The following ZNF83 variants were observed in gnomAD, a reference collection of about 807,000 sequenced individuals.
ZNF83 encodes zinc finger protein 816B.
For missense variants in ZNF83, 552 were observed against 629.9 expected (o/e 0.88, Z 1.32); for synonymous variants, 209 against 213.0 (o/e 0.98, Z 0.17).
At chr19:52,635,069 A>T in exon 2 of ZNF83, 1 of 732,302 alleles carries the variant, frequency 1.4e-6, no homozygotes, top group Non-Finnish European at 2.5e-6. Context: ...ATCTCACCTG[A>T]GGAAGAACCA....
At chr19:52,620,971 A>T (rs2060521577) in intron 2 of ZNF83, among the ~76,000 whole-genome samples, 1 of 152,224 alleles carries the variant, frequency 6.6e-6, no homozygotes, top group Admixed American at 6.5e-5. Context: ...TGCTTATCCC[A>T]GTCCTATAAA....
chr19:52,644,340 G>T (rs2061346927), intron 3 of ZNF83, among the ~76,000 whole-genome samples: 1 of 152,058 alleles, frequency 6.6e-6, no homozygotes, highest in African/African-American at 2.4e-5. Flanking sequence ...TTCCGGTCTA[G>T]CCCCTCATCT....
At chr19:52,636,220 TAGG>T (rs2061142892) in intron 1 of ZNF83, 2 of 151,500 alleles carry the variant, frequency 1.3e-5, no homozygotes, top group African/African-American at 4.9e-5. Context: ...GAAGCTGACG[TAGG>T]AGGATTACTT....
intron 1 of ZNF83, among the ~76,000 whole-genome samples, chr19:52,675,457 C>T (rs2147326562): frequency 6.6e-6 from 1 of 152,274 alleles, no homozygotes; most frequent in East Asian, 1.9e-4. Context: ...GCGCTGCTGA[C>T]AGTGGTTCTG....
intron 1 of ZNF83, among the ~76,000 whole-genome samples, chr19:52,675,319 C>A (rs572178544): frequency 2.0e-5 from 3 of 152,276 alleles, no homozygotes; most frequent in Non-Finnish European, 4.4e-5. Context: ...AAGGATCCCA[C>A]GACATGTACT....
intron 2 of ZNF83, among the ~76,000 whole-genome samples, chr19:52,656,461 G>T (rs7256179): frequency 1.3e-5 from 2 of 151,890 alleles, no homozygotes; most frequent in African/African-American, 2.4e-5. Flanking sequence ...GGAGGCAGAG[G>T]TTGTGGTAAG....
At chr19:52,666,986 G>C (rs2904001) in intron 1 of ZNF83, among the ~76,000 whole-genome samples, 122,465 of 152,170 alleles carry the variant, frequency 0.8, 50,010 homozygotes, top group African/African-American at 0.95. Context: ...CTTTAAAGTA[G>C]TTACAGAATC....
At chr19:52,619,641 A>ATGTT (rs994871524) in intron 2 of ZNF83, among the ~76,000 whole-genome samples, 7 of 151,734 alleles carry the variant, frequency 4.6e-5, no homozygotes, top group Non-Finnish European at 1.0e-4. Flanking sequence ...AAAAAAAAAA[A>ATGTT]TGTTAGAAAC....
chr19:52,678,703 A>G (rs1445335163), intron 1 of ZNF83, among the ~76,000 whole-genome samples: 1 of 152,036 alleles, frequency 6.6e-6, no homozygotes, highest in Non-Finnish European at 1.5e-5. Context: ...TAGGCCAGGC[A>G]TGGCTCATGC....
At chr19:52,675,357 C>T (rs1205095212) in intron 1 of ZNF83, among the ~76,000 whole-genome samples, 1 of 152,170 alleles carries the variant, frequency 6.6e-6, no homozygotes, top group Admixed American at 6.5e-5. Context: ...CCAGGCAGTA[C>T]AGGAAATGAC....
chr19:52,655,824 T>C (rs2061496769), intron 2 of ZNF83: 3 of 510,932 alleles, frequency 5.9e-6, no homozygotes, highest in South Asian at 5.5e-5. Flanking sequence ...TTTTTGAACA[T>C]TTCTTTTTGT....
At chr19:52,651,939 T>C in intron 3 of ZNF83, 1 of 176,310 alleles carries the variant, frequency 5.7e-6, no homozygotes, top group South Asian at 1.6e-4. Context: ...ACTCAAACTC[T>C]AGTCAATGCA....
chr19:52,612,951 T>C, exon 3 of ZNF83: 2 of 1,398,820 alleles, frequency 1.4e-6, no homozygotes, highest in Non-Finnish European at 1.9e-6. Flanking sequence ...TGCAAAGTTT[T>C]TCTCCAGTAT....
intron 2 of ZNF83, among the ~76,000 whole-genome samples, chr19:52,657,070 T>G (rs2061515692): frequency 1.3e-5 from 2 of 151,544 alleles, no homozygotes; most frequent in African/African-American, 4.8e-5. Context: ...GATCCAAGAT[T>G]GCACCACTGC....
chr19:52,680,586 A>C (rs1204256368), intron 1 of ZNF83, among the ~76,000 whole-genome samples: 1 of 134,644 alleles, frequency 7.4e-6, no homozygotes, highest in Non-Finnish European at 1.6e-5. Flanking sequence ...GTTGTGTTTT[A>C]TTGTACTTTT....
At chr19:52,627,332 G>C (rs1206157626) in intron 2 of ZNF83, among the ~76,000 whole-genome samples, 1 of 151,800 alleles carries the variant, frequency 6.6e-6, no homozygotes, top group African/African-American at 2.4e-5. Context: ...TCTAGTTGAG[G>C]GTGGAGGGTG....
intron 2 of ZNF83, among the ~76,000 whole-genome samples, chr19:52,627,009 G>GACTTTCCA (rs909201231): frequency 6.6e-6 from 1 of 152,118 alleles, no homozygotes; most frequent in African/African-American, 2.4e-5. Context: ...CCAACCTTAT[G>GACTTTCCA]ACTTTCCATT....
chr19:52,619,826 G>A (rs565401342), intron 2 of ZNF83, among the ~76,000 whole-genome samples: 1 of 152,226 alleles, frequency 6.6e-6, no homozygotes, highest in Admixed American at 6.5e-5. Flanking sequence ...GGCAGAGGTT[G>A]CAGTAATCCA....
chr19:52,634,131 G>C (rs1373252424), intron 2 of ZNF83, among the ~76,000 whole-genome samples: 1 of 151,926 alleles, frequency 6.6e-6, no homozygotes, highest in Non-Finnish European at 1.5e-5. Flanking sequence ...GATTAGCCGG[G>C]TGTGGTGGCA....
Sources: gnomAD v4.1 joint callset for allele counts (sites outside exome capture counted in the v4.1 genomes callset) on GRCh38, gnomAD v4.1.1 for gene constraint, MANE v1.5 for transcripts, NCBI Gene and HGNC (gene_info 2026-07-23, HGNC 2026-07-21) for gene names.